Variants in SLC25A36 observed in about 807,000 individuals in gnomAD.
SLC25A36 encodes solute carrier family 25 member 36.
Under a neutral mutation model 35.3 loss-of-function variants are expected in SLC25A36, and 24 were observed. The ratio of observed to expected loss-of-function variants is 0.68; its 90% CI spans 0.49 to 0.96. The LOEUF (loss-of-function observed/expected upper bound fraction) is 0.96, where lower values mean the gene tolerates loss of function less well. SLC25A36 is among the 40% of genes least tolerant of loss of function. The pLI is 0.00. For synonymous variants in SLC25A36, 141 were observed against 132.2 expected, an observed-to-expected ratio of 1.07 and a Z score of -0.46; for missense variants, 294 against 381.1, an observed-to-expected ratio of 0.77 and a Z score of 1.90.
chr3:140,959,048 G>C (rs1435173046), intron 2 of SLC25A36, among the ~76,000 whole-genome samples: 1 of 125,974 alleles, frequency 7.9e-6, no homozygotes, highest in South Asian at 2.6e-4. Flanking sequence ...ACAGAGTTTC[G>C]CTCTGTCTCC....
At chr3:140,943,151 A>G (rs1401605659) in intron 1 of SLC25A36, among the ~76,000 whole-genome samples, 2 of 152,124 alleles carry the variant, frequency 1.3e-5, no homozygotes, top group Non-Finnish European at 2.9e-5. Flanking sequence ...GGAGGATTAT[A>G]AAGAGTTTTC....
chr3:140,959,437 G>A, intron 2 of SLC25A36, 26 bp from the exon 3 acceptor site: 1 of 1,296,142 alleles, frequency 7.7e-7, no homozygotes, highest in Non-Finnish European at 1.1e-6. Flanking sequence ...AGATATTTCT[G>A]ATAGAATTTT....
rs1935060812 is a variant in SLC25A36 at position 140,976,800 on chromosome 3, A to G, written c.*347A>G. 5.9e-6 allele frequency: 1 copy of G among 169,804 alleles called. No homozygotes were observed. 10.5% of individuals were successfully genotyped at this position (169,804 alleles called of 1,614,324 possible). Reference sequence around the variant, plus strand: ...CCTTAATTTTACATACTGTATTGTAACTATCCAAAGATAGTATTGGCAGTC... The same window carrying G: ...CCTTAATTTTACATACTGTATTGTAGCTATCCAAAGATAGTATTGGCAGTC... On this transcript the variant is annotated 3_prime_UTR_variant, in exon 7 of 7. Transcript: ENST00000324194.
chr3:140,979,156 G>A lies in SLC25A36; in HGVS notation c.*2703G>A, dbSNP rs571404538. The A allele has an allele frequency of 8.0e-4, 122 of 152,268 alleles. 1 individual carries two copies. The highest frequency in any genetic ancestry group is 2.9e-3 in the African/African-American group (121 of 41,568). 9.4% of individuals were successfully genotyped at this position (152,268 alleles called of 1,614,324 possible). A position where few individuals can be genotyped will look rare whatever the true frequency, so the allele number is the denominator to read the frequency against. On this transcript the variant is annotated 3_prime_UTR_variant, in exon 7 of 7. Coordinates refer to ENST00000324194, the MANE Select transcript of SLC25A36 (RefSeq NM_001104647.3). ...TTGTAGAACCATCCTTTCTAGATGG[G>A]TCCACCACAGTGAATTTGTAACTTT...
At chr3:140,966,868 G>A (rs762743540) in intron 4 of SLC25A36, 29 of 452,820 alleles carry the variant, frequency 6.4e-5, no homozygotes, top group Non-Finnish European at 1.2e-4. Context: ...GATTCAATTT[G>A]TACACATGTT....
rs559273031 is a variant in SLC25A36, at chr3:140,980,553, T to TTGTG, written c.*4110_*4113dup. Among the ~76,000 whole-genome samples, 1 of 151,896 alleles carries TTGTG rather than the reference T, an allele frequency of 6.6e-6. No individual in the cohort carries two copies. Among genetic ancestry groups the TTGTG allele is most frequent in the African/African-American group, 2.4e-5 (1 of 41,336 alleles). On this transcript the variant is annotated 3_prime_UTR_variant, in exon 7 of 7. Transcript: ENST00000324194. ...TAAAATTGAGCACAGGTGTTCCAAG[T>TTGTG]TGTGTGTGTGTGTTTATTACTGAAC... is the stretch of plus-strand genomic sequence containing the variant.
intron 4 of SLC25A36, chr3:140,966,175 A>T (rs1934753387): frequency 6.5e-6 from 1 of 153,390 alleles, no homozygotes; most frequent in South Asian, 2.0e-4. Context: ...TTAGACTTAA[A>T]TTTCATTATA....
intron 3 of SLC25A36, among the ~76,000 whole-genome samples, chr3:140,960,808 A>C (rs781477027): frequency 2.0e-5 from 3 of 152,204 alleles, no homozygotes; most frequent in Non-Finnish European, 4.4e-5. Flanking sequence ...GACAGAGAAC[A>C]AGCAAAGGAA....
intron 1 of SLC25A36, among the ~76,000 whole-genome samples, chr3:140,950,890 G>GTGTGTGTCTC (rs1407776306): frequency 7.4e-6 from 1 of 134,600 alleles, no homozygotes; most frequent in Non-Finnish European, 1.6e-5. Flanking sequence ...CAGCGTGTGT[G>GTGTGTGTCTC]TGTGTGTCTC....
At chr3:140,966,795 T>G in intron 4 of SLC25A36, 1 of 387,862 alleles carries the variant, frequency 2.6e-6, no homozygotes, top group South Asian at 1.9e-5. Flanking sequence ...TTTCTTTTTT[T>G]TAACTTAAAA....
chr3:140,958,140 G>A (rs1934524501), intron 2 of SLC25A36, among the ~76,000 whole-genome samples: 2 of 152,086 alleles, frequency 1.3e-5, no homozygotes, highest in South Asian at 4.1e-4. Flanking sequence ...TGAGAAGTCT[G>A]GCTACTCAGT....
At chr3:140,942,300 GGTGAGGCCCGGGCCCGAGGGCGAGAGA>G (rs1417610949) in intron 1 of SLC25A36, among the ~76,000 whole-genome samples, 6 of 151,390 alleles carry the variant, frequency 4.0e-5, no homozygotes, top group East Asian at 2.0e-4. Flanking sequence ...GAAGCAAGGG[GGTGAGGCCCGGGCCCGAGGGCGAGAGA>G]GTGAGGCCCG....
intron 4 of SLC25A36, chr3:140,963,717 T>C (rs1291035265): frequency 6.5e-6 from 1 of 153,988 alleles, no homozygotes; most frequent in East Asian, 1.9e-4. Context: ...TCAGTTACTA[T>C]GTGTATTTTT....
chr3:140,942,164 C>T, intron 1 of SLC25A36, 69 bp downstream of exon 1: 2 of 114,898 alleles, frequency 1.7e-5, no homozygotes, highest in South Asian at 4.0e-4. Context: ...GCGAGGGGGG[C>T]GAGGGGGGCC....
intron 1 of SLC25A36, among the ~76,000 whole-genome samples, chr3:140,943,892 G>A (rs1005088479): frequency 1.8e-4 from 27 of 152,090 alleles, no homozygotes; most frequent in African/African-American, 6.3e-4. Context: ...TAGGTTTTCT[G>A]GTTTAAGAAC....
At chr3:140,942,312 G>T (rs1934032019) in intron 1 of SLC25A36, 1 of 432,742 alleles carries the variant, frequency 2.3e-6, no homozygotes, top group Non-Finnish European at 4.1e-6. Context: ...TGAGGCCCGG[G>T]CCCGAGGGCG....
chr3:140,943,693 A>G (rs1934084616), intron 1 of SLC25A36, among the ~76,000 whole-genome samples: 1 of 150,590 alleles, frequency 6.6e-6, no homozygotes, highest in Non-Finnish European at 1.5e-5. Flanking sequence ...TAAAATTAGG[A>G]GGTTGTATTA....
intron 6 of SLC25A36, 61 bp downstream of exon 6, chr3:140,974,066 T>C (rs1355702731): frequency 8.8e-7 from 1 of 1,142,120 alleles, no homozygotes; most frequent in African/African-American, 1.6e-5. Context: ...AGCTCACTTA[T>C]TAAAGCATTT....
At chr3:140,952,017 CTCTT>C (rs528967571) in intron 1 of SLC25A36, among the ~76,000 whole-genome samples, 55 of 141,734 alleles carry the variant, frequency 3.9e-4, no homozygotes, top group Non-Finnish European at 7.4e-4. Context: ...CTTTCTTTCT[CTCTT>C]TTTTTTTTTT....
Sources: gnomAD v4.1 joint callset for allele counts (sites outside exome capture counted in the v4.1 genomes callset) on GRCh38, gnomAD v4.1.1 for gene constraint, MANE v1.5 for transcripts, NCBI Gene and HGNC (gene_info 2026-07-23, HGNC 2026-07-21) for gene names.